The following STK4 variants were observed in gnomAD, a reference collection of about 807,000 sequenced individuals.
STK4 encodes the protein serine/threonine kinase 4, also known as serine/threonine-protein kinase 4.
In STK4, 30 loss-of-function variants were observed where a neutral mutation model predicts 64.9. The ratio of observed to expected loss-of-function variants is 0.46; its 90% CI spans 0.35 to 0.63. STK4 has a LOEUF of 0.63. Ranked by LOEUF, STK4 falls within the 20% of genes least tolerant of loss-of-function variation. The pLI is 0.01. For synonymous variants in STK4, 177 were observed against 199.0 expected (o/e 0.89, Z 0.93); for missense variants, 466 against 598.5 (o/e 0.78, Z 2.31).
At chr20:44,995,592 T>G in intron 6 of STK4, among the ~76,000 whole-genome samples, 1 of 111,128 alleles carries the variant, frequency 9.0e-6, no homozygotes, top group African/African-American at 3.9e-5. Context: ...GGAGAGAGAG[T>G]GAGACTCCAT....
At chr20:45,061,649 C>T (rs1300575110) in intron 10 of STK4, among the ~76,000 whole-genome samples, 1 of 141,954 alleles carries the variant, frequency 7.0e-6, no homozygotes, top group Admixed American at 7.1e-5. Flanking sequence ...CAGTTTTTTA[C>T]ATAGGTAAAC....
intron 9 of STK4, among the ~76,000 whole-genome samples, chr20:45,005,487 A>G (rs1280590014): frequency 6.6e-6 from 1 of 151,942 alleles, no homozygotes; most frequent in African/African-American, 2.4e-5. Flanking sequence ...CTACTAAACA[A>G]AATACAAAAT....
At chr20:45,016,982 A>ATTT (rs2068153797) in intron 9 of STK4, among the ~76,000 whole-genome samples, 2 of 152,226 alleles carry the variant, frequency 1.3e-5, no homozygotes, top group Admixed American at 1.3e-4. Flanking sequence ...ATGGAGATAC[A>ATTT]TTTTTAAATA....
intron 4 of STK4, among the ~76,000 whole-genome samples, chr20:44,984,785 T>C (rs531828907): frequency 1.4e-5 from 2 of 147,878 alleles, no homozygotes; most frequent in Non-Finnish European, 3.0e-5. Flanking sequence ...ATTAATTCTT[T>C]CTTTTTTTTT....
At chr20:45,036,027 A>G (rs967239676) in intron 10 of STK4, among the ~76,000 whole-genome samples, 3 of 152,216 alleles carry the variant, frequency 2.0e-5, no homozygotes, top group African/African-American at 7.2e-5. Context: ...CAAGAGATCT[A>G]TTGTACAACA....
chr20:45,069,863 A>G (rs557354646), intron 10 of STK4, among the ~76,000 whole-genome samples: 1 of 152,356 alleles, frequency 6.6e-6, no homozygotes, highest in African/African-American at 2.4e-5. Context: ...GAGACAAGTA[A>G]AAGAAAATAA....
intron 1 of STK4, among the ~76,000 whole-genome samples, chr20:44,966,977 G>A (rs144696766): frequency 3.5e-4 from 54 of 152,270 alleles, no homozygotes; most frequent in Non-Finnish European, 6.9e-4. Context: ...CTCTTTAAGG[G>A]GGTGGATCGA....
chr20:44,990,640 T>A (rs933681586), intron 5 of STK4, among the ~76,000 whole-genome samples: 2 of 152,112 alleles, frequency 1.3e-5, no homozygotes, highest in Non-Finnish European at 1.5e-5. Flanking sequence ...ATTGTTAACA[T>A]GTTAATGCTC....
intron 9 of STK4, among the ~76,000 whole-genome samples, chr20:45,013,297 TA>T (rs982451121): frequency 2.6e-5 from 4 of 151,980 alleles, no homozygotes; most frequent in Non-Finnish European, 4.4e-5. Context: ...AGGTTTTATT[TA>T]AAAAAAATTC....
chr20:45,008,177 C>G (rs777635307), intron 9 of STK4, among the ~76,000 whole-genome samples: 1 of 152,194 alleles, frequency 6.6e-6, no homozygotes, highest in Non-Finnish European at 1.5e-5. Context: ...GCCTCAGCCT[C>G]CTGAGTAGCT....
chr20:45,054,844 C>T (rs1276402318), intron 10 of STK4, among the ~76,000 whole-genome samples: 3 of 152,100 alleles, frequency 2.0e-5, no homozygotes, highest in Non-Finnish European at 4.4e-5. Flanking sequence ...TTTATTATTG[C>T]TATTGTTACT....
chr20:44,987,217 A>C lies in STK4; in HGVS notation c.446A>C (p.Asp149Ala), dbSNP rs2067544904. The C allele has an allele frequency of 6.2e-7, 1 of 1,613,038 alleles. No homozygotes were observed. The highest frequency in any genetic ancestry group is 1.3e-5 in the African/African-American group (1 of 74,810). The stretch of plus-strand genomic sequence containing the variant: ...CATTTTATGAGAAAAATACACCGAG[A>C]TATCAAGGCAGGAAATATTTTGCTA... ...YLHFMRKIHR[D>A]IKAGNILLNT... The change falls in exon 5 of 11, where the codon GAT becomes GCT. Residue 149 changes from aspartate to alanine, a missense_variant. Transcript: ENST00000372806.
intron 9 of STK4, among the ~76,000 whole-genome samples, chr20:45,007,483 G>A (rs1335904664): frequency 6.6e-6 from 1 of 151,954 alleles, no homozygotes; most frequent in Non-Finnish European, 1.5e-5. Flanking sequence ...GGAGGTGGAG[G>A]TTGCAGTGAG....
chr20:45,015,880 C>T (rs185681428), intron 9 of STK4, among the ~76,000 whole-genome samples: 190 of 152,252 alleles, frequency 1.2e-3, no homozygotes, highest in Non-Finnish European at 1.8e-3. Context: ...TATAGTAAGT[C>T]TTTTAATGTA....
At chr20:44,973,456 C>T (rs1006289625) in intron 2 of STK4, 1 of 152,212 alleles carries the variant, frequency 6.6e-6, no homozygotes, top group African/African-American at 2.4e-5. Context: ...GACAGTCCCT[C>T]TACATCTGTT....
At chr20:45,007,531 A>T (rs966546056) in intron 9 of STK4, among the ~76,000 whole-genome samples, 1 of 151,844 alleles carries the variant, frequency 6.6e-6, no homozygotes, top group African/African-American at 2.4e-5. Flanking sequence ...CGGGTGACAG[A>T]GCGAGACTCC....
intron 9 of STK4, among the ~76,000 whole-genome samples, chr20:45,006,248 C>T (rs1160409325): frequency 2.2e-5 from 3 of 138,338 alleles, no homozygotes; most frequent in Middle Eastern, 3.8e-3. Context: ...CATTTTGTTT[C>T]GGATGTATTT....
intron 3 of STK4, 81 bp downstream of exon 3, chr20:44,978,652 C>T: frequency 1.4e-6 from 2 of 1,417,064 alleles, no homozygotes; most frequent in South Asian, 1.6e-5. Flanking sequence ...CCTAGAGACA[C>T]ATTTACTTAG....
chr20:45,071,664 G>C (rs10485454), intron 10 of STK4, among the ~76,000 whole-genome samples: 17,409 of 152,194 alleles, frequency 0.11, 1,322 homozygotes, highest in Middle Eastern at 0.2. Flanking sequence ...TACTTTGTGA[G>C]AATTTTACTA....
Sources: allele counts gnomAD v4.1 joint callset (sites outside exome capture counted in the v4.1 genomes callset), GRCh38; gene constraint gnomAD v4.1.1; transcripts MANE v1.5; gene names NCBI Gene and HGNC (gene_info 2026-07-23, HGNC 2026-07-21).